The following SUSD5 variants were observed in gnomAD, a reference collection of about 807,000 sequenced individuals.
SUSD5 encodes sushi domain containing 5, also known as sushi domain-containing protein 5.
SUSD5 carries 33 observed loss-of-function variants against 29.5 expected under a neutral mutation model. The observed-to-expected ratio is 1.12, with a 90% CI of 0.85 to 1.49. SUSD5 has a LOEUF of 1.49. SUSD5 is among the 40% of genes most tolerant of loss of function. The probability of loss-of-function intolerance (pLI) is 0.00; values close to 1 mark genes in which losing one functional copy is unlikely to be tolerated. For synonymous variants in SUSD5, 308 were observed against 325.3 expected, an observed-to-expected ratio of 0.95 and a Z score of 0.57; for missense variants, 776 against 800.6, an observed-to-expected ratio of 0.97 and a Z score of 0.37.
At chr3:33,199,671 T>C (rs2032072497) in intron 3 of SUSD5, among the ~76,000 whole-genome samples, 1 of 152,242 alleles carries the variant, frequency 6.6e-6, no homozygotes, top group South Asian at 2.1e-4. Context: ...GCTGTCACTC[T>C]GCTATAGACT....
intron 4 of SUSD5, among the ~76,000 whole-genome samples, chr3:33,154,579 T>C (rs2031008123): frequency 6.6e-6 from 1 of 152,070 alleles, no homozygotes; most frequent in South Asian, 2.1e-4. Context: ...TGTGAGTTTA[T>C]TAGGGATACT....
At chr3:33,213,560 G>A (rs2032364279) in intron 2 of SUSD5, among the ~76,000 whole-genome samples, 1 of 152,126 alleles carries the variant, frequency 6.6e-6, no homozygotes, top group Admixed American at 6.5e-5. Flanking sequence ...GATCACCTGA[G>A]GTAAGGAGTT....
At chr3:33,217,606 G>A (rs1227126311) in intron 1 of SUSD5, among the ~76,000 whole-genome samples, 1 of 151,990 alleles carries the variant, frequency 6.6e-6, no homozygotes, top group Non-Finnish European at 1.5e-5. Flanking sequence ...AGCTTTTCAA[G>A]CCTGCACTTA....
In SUSD5 at chr3:33,218,806, A is replaced by ACTCGG; in HGVS notation, c.-10_-9insCCGAG. The ACTCGG allele has an allele frequency of 1.4e-6, 2 of 1,441,552 alleles. No individual in the cohort carries two copies. The highest frequency in any genetic ancestry group is 5.3e-5 in the Admixed American group (2 of 37,496). The allele number at this position is 1,441,552 out of a possible 1,614,324, so 89.3% of individuals were successfully genotyped here. ...GGTCCCTCGGCAGTCATGGTCCGGG[A>ACTCGG]GTGCGCGGGCCAGCGGACTCGGGTG... On this transcript the variant is annotated 5_prime_UTR_variant, in exon 1 of 5. Coordinates refer to ENST00000309558, the MANE Select transcript of SUSD5 (RefSeq NM_015551.2).
chr3:33,216,336 T>G (rs993961246), intron 1 of SUSD5, among the ~76,000 whole-genome samples: 1 of 152,136 alleles, frequency 6.6e-6, no homozygotes, highest in African/African-American at 2.4e-5. Flanking sequence ...TTAAATTCAT[T>G]ATTTAAAATC....
At chr3:33,192,193 C>G (rs2031906649) in intron 3 of SUSD5, among the ~76,000 whole-genome samples, 1 of 151,776 alleles carries the variant, frequency 6.6e-6, no homozygotes, top group South Asian at 2.1e-4. Flanking sequence ...CCTGCCTCAG[C>G]CTTCCAAGTA....
rs1276565928 is a variant in SUSD5 at position 33,212,933 on chromosome 3, G to A, written c.290+995C>T. ...CCATATTTTAAAACCTCCATACCAC[G>A]TTCCTATACATATACATGCAGATGA... On this transcript the variant is annotated intron_variant, in intron 2 of 4. Coordinates refer to ENST00000309558, the MANE Select transcript of SUSD5 (RefSeq NM_015551.2). 5.9e-5 allele frequency among the ~76,000 whole-genome samples: 9 copies of A among 152,240 alleles called. No individual in the cohort carries two copies. The East Asian group carries it at 1.5e-3, about 26-fold the overall frequency.
intron 3 of SUSD5, among the ~76,000 whole-genome samples, chr3:33,176,754 C>G (rs2031558982): frequency 6.6e-6 from 1 of 152,124 alleles, no homozygotes; most frequent in Non-Finnish European, 1.5e-5. Flanking sequence ...TATGGTCCAT[C>G]TCGAGTTAAT....
intron 3 of SUSD5, among the ~76,000 whole-genome samples, chr3:33,195,390 C>A (rs574929179): frequency 5.9e-5 from 9 of 152,240 alleles, no homozygotes; most frequent in African/African-American, 2.2e-4. Flanking sequence ...AACCAGCTCT[C>A]TTGGGAAGGG....
intron 3 of SUSD5, among the ~76,000 whole-genome samples, chr3:33,205,785 G>A (rs2032207173): frequency 6.6e-6 from 1 of 152,210 alleles, no homozygotes; most frequent in South Asian, 2.1e-4. Context: ...AACAGCAGCT[G>A]ACCACAGACT....
At chr3:33,170,073 C>T (rs1287754941) in intron 4 of SUSD5, among the ~76,000 whole-genome samples, 3 of 152,126 alleles carry the variant, frequency 2.0e-5, no homozygotes, top group Non-Finnish European at 4.4e-5. Context: ...GCAATGCCAC[C>T]ACGCCCAGCT....
chr3:33,152,471 C>T lies in SUSD5; in HGVS notation c.*271G>A, dbSNP rs761909739. 36 of 414,986 alleles carry T rather than the reference C, an allele frequency of 8.7e-5. No homozygotes were observed. The highest frequency in any genetic ancestry group is 6.4e-4 in the Middle Eastern group (1 of 1,556). The allele number at this position is 414,986 out of a possible 1,614,324, so 25.7% of individuals were successfully genotyped here. On this transcript the variant is annotated 3_prime_UTR_variant, in exon 5 of 5. Transcript: ENST00000309558. The stretch of plus-strand genomic sequence containing the variant: ...AAGGAAGAGGCGATTTTTGACCTCA[C>T]ACTGGAAACAGGGCCCAAGCACAGG...
chr3:33,163,735 C>T (rs1161342570), intron 4 of SUSD5, among the ~76,000 whole-genome samples: 9 of 152,066 alleles, frequency 5.9e-5, no homozygotes, highest in Non-Finnish European at 1.0e-4. Context: ...CGGTGGCTCA[C>T]GCCTGTAATC....
intron 3 of SUSD5, among the ~76,000 whole-genome samples, chr3:33,199,514 C>A (rs2032069249): frequency 6.6e-6 from 1 of 152,200 alleles, no homozygotes; most frequent in Non-Finnish European, 1.5e-5. Context: ...ACCTCGTGAT[C>A]CGCCCGCCTC....
chr3:33,202,209 T>C (rs1241971657), intron 3 of SUSD5, among the ~76,000 whole-genome samples: 2 of 152,188 alleles, frequency 1.3e-5, no homozygotes, highest in African/African-American at 2.4e-5. Context: ...GCTTTCACAC[T>C]TCCCTGGGAG....
At position 33,152,971 on chromosome 3, in the gene SUSD5, T is replaced by G; in HGVS notation, c.1661A>C (p.Glu554Ala). 4.3e-6 allele frequency: 7 copies of G among 1,613,944 alleles called. No homozygotes were observed. The highest frequency in any genetic ancestry group is 5.9e-6 in the Non-Finnish European group (7 of 1,179,862). ...ACACGACTCCAAGGTGGGATGAAGC[T>G]CCTCACTTGCACCTGGCCCGGGGCC... ...QEGPGPGASE[E>A]LHPTLESCVG... The change falls in exon 5 of 5, where the codon GAG becomes GCG. Residue 554 changes from glutamate to alanine, a missense_variant. Coordinates refer to ENST00000309558, the MANE Select transcript of SUSD5 (RefSeq NM_015551.2).
intron 3 of SUSD5, among the ~76,000 whole-genome samples, chr3:33,206,191 T>C (rs1306210735): frequency 6.6e-6 from 1 of 152,040 alleles, no homozygotes; most frequent in Non-Finnish European, 1.5e-5. Context: ...CTGGCCAATA[T>C]GGTGAAACCA....
chr3:33,154,644 G>C (rs2031008997), intron 4 of SUSD5, among the ~76,000 whole-genome samples: 1 of 151,948 alleles, frequency 6.6e-6, no homozygotes, highest in Admixed American at 6.6e-5. Flanking sequence ...TCAATAAACA[G>C]AAAATTAAAA....
chr3:33,175,068 G>T lies in SUSD5; in HGVS notation c.416C>A (p.Pro139Gln), dbSNP rs80313632. 6.2e-7 allele frequency: 1 copy of T among 1,613,976 alleles called. No homozygotes were observed. The highest frequency in any genetic ancestry group is 8.5e-7 in the Non-Finnish European group (1 of 1,179,868). The change falls in exon 4 of 5, where the codon CCG becomes CAG. Residue 139 changes from proline (P) to glutamine (Q), a missense_variant. By Grantham distance (76) the Pro-to-Gln change is moderately conservative (BLOSUM62 -1). Coordinates refer to ENST00000309558, the MANE Select transcript of SUSD5 (RefSeq NM_015551.2). The part of the protein sequence containing the change: ...SALCIKDEEK[P>Q]CGDPPSFPHT... ...TGGGAACGAAGGCGGGTCTCCACAC[G>T]GCTTCTCTGAGGAGAAGGAATCACA...
Sources: allele counts gnomAD v4.1 joint callset (sites outside exome capture counted in the v4.1 genomes callset), GRCh38; gene constraint gnomAD v4.1.1; transcripts MANE v1.5; gene names NCBI Gene and HGNC (gene_info 2026-07-23, HGNC 2026-07-21).